MAP7: variants seen among roughly 807,000 people sequenced by gnomAD.
The protein encoded by MAP7 is ensconsin.
Under a neutral mutation model 94.8 loss-of-function variants are expected in MAP7, and 52 were observed. The observed-to-expected ratio is 0.55, with a 90% CI of 0.44 to 0.69. MAP7 has a LOEUF of 0.69. MAP7 is among the 30% of genes least tolerant of loss of function. The pLI is 0.00. For synonymous variants in MAP7, 350 were observed against 357.0 expected (o/e 0.98, Z 0.22); for missense variants, 940 against 964.6 (o/e 0.97, Z 0.34).
In MAP7 at chr6:136,550,195, C is replaced by A. The variant is rs1193959707; in HGVS notation, c.67+147G>T. On this transcript the variant is annotated intron_variant, in intron 1 of 17. Transcript: ENST00000354570. This position sits in a 1 kb window ranked among gnomAD's most constrained non-coding sequence, Gnocchi z 5.1. ...GGGAAGGCGCTCTCGGAGCAGGGTGCGCGGCGCGCAGGGCCGGTTGTTCCG... is the reference window on the plus strand; with the variant it reads ...GGGAAGGCGCTCTCGGAGCAGGGTGAGCGGCGCGCAGGGCCGGTTGTTCCG... 1 of 498,550 alleles carries A rather than the reference C, an allele frequency of 2.0e-6. No individual in the cohort carries two copies. Among genetic ancestry groups the A allele is most frequent in the Non-Finnish European group, 2.8e-6 (1 of 351,756 alleles). The allele number at this position is 498,550 out of a possible 1,614,324, so 30.9% of individuals were successfully genotyped here. A position where few individuals can be genotyped will look rare whatever the true frequency, so the allele number is the denominator to read the frequency against.
At position 136,405,885 on chromosome 6, in the gene MAP7, G is replaced by T. The variant is rs556752836; in HGVS notation, c.244+5735C>A. Among the ~76,000 whole-genome samples the T allele has an allele frequency of 3.3e-5, 5 of 152,310 alleles. No homozygotes were observed. In the East Asian group the frequency reaches 9.6e-4, roughly 29 times the overall value. On this transcript the variant is annotated intron_variant, in intron 3 of 17. Transcript: ENST00000354570. ...GGGATGTGTGGGAAATTTCAGCTAAGATGCTAGGTAATCTTGTTTGATTTT... is the reference window on the plus strand; with the variant it reads ...GGGATGTGTGGGAAATTTCAGCTAATATGCTAGGTAATCTTGTTTGATTTT...
In MAP7 at chr6:136,451,220, C is replaced by T. The variant is rs148339599; in HGVS notation, c.68-29421G>A. On this transcript the variant is annotated intron_variant, in intron 1 of 17. Transcript: ENST00000354570. Reference sequence around the variant, plus strand: ...ACCTCCCCATAACAGGTTTTCTCTACGCCTCCTCTGTTTCTGTAGACATGT... The same window carrying T: ...ACCTCCCCATAACAGGTTTTCTCTATGCCTCCTCTGTTTCTGTAGACATGT... Among the ~76,000 whole-genome samples, 137 of 152,286 alleles carry T rather than the reference C, an allele frequency of 9.0e-4. 1 individual carries two copies. Among genetic ancestry groups the T allele is most frequent in the Admixed American group, 2.4e-3 (37 of 15,296 alleles).
chr6:136,435,856 A>T (rs1446333597), intron 1 of MAP7, among the ~76,000 whole-genome samples: 4 of 152,208 alleles, frequency 2.6e-5, no homozygotes, highest in Non-Finnish European at 5.9e-5. Flanking sequence ...TTAAAGTAGA[A>T]TAGATGTTTA....
chr6:136,465,997 T>G (rs1417581186), intron 1 of MAP7, among the ~76,000 whole-genome samples: 1 of 152,146 alleles, frequency 6.6e-6, no homozygotes, highest in African/African-American at 2.4e-5. Flanking sequence ...AACATCCACA[T>G]AAACTTCTAG....
At chr6:136,449,316 C>T (rs1800382047) in intron 1 of MAP7, among the ~76,000 whole-genome samples, 2 of 151,700 alleles carry the variant, frequency 1.3e-5, no homozygotes, top group Admixed American at 1.3e-4. Flanking sequence ...AACAAACAAA[C>T]AAAAACGAAA....
At chr6:136,441,547 T>C (rs1273278387) in intron 1 of MAP7, among the ~76,000 whole-genome samples, 1 of 152,200 alleles carries the variant, frequency 6.6e-6, no homozygotes, top group Non-Finnish European at 1.5e-5. Flanking sequence ...TAGGTAGCTA[T>C]TCTTCCTTCC....
At chr6:136,475,102 C>T (rs1332054353) in intron 1 of MAP7, among the ~76,000 whole-genome samples, 1 of 152,146 alleles carries the variant, frequency 6.6e-6, no homozygotes, top group Non-Finnish European at 1.5e-5. Context: ...GCCTTCTGCA[C>T]ATTCAAGTTA....
intron 8 of MAP7, among the ~76,000 whole-genome samples, chr6:136,370,087 A>G (rs952793332): frequency 2.0e-5 from 3 of 152,206 alleles, no homozygotes; most frequent in African/African-American, 7.2e-5. Flanking sequence ...CAAAAACAAA[A>G]TAACCCCATT....
intron 17 of MAP7, 130 bp from the exon 18 acceptor site, chr6:136,344,368 G>C: frequency 2.7e-6 from 1 of 372,714 alleles, no homozygotes; most frequent in Non-Finnish European, 4.8e-6. Context: ...TATAAGAATA[G>C]GCAATTCTGT....
chr6:136,538,653 T>C (rs1458416004), intron 1 of MAP7, among the ~76,000 whole-genome samples: 1 of 151,820 alleles, frequency 6.6e-6, no homozygotes, highest in African/African-American at 2.4e-5. Flanking sequence ...GTGCTAGGAA[T>C]AGTGGCGTGT....
At chr6:136,402,030 T>C (rs1436817022) in intron 3 of MAP7, among the ~76,000 whole-genome samples, 2 of 152,202 alleles carry the variant, frequency 1.3e-5, no homozygotes, top group Non-Finnish European at 1.5e-5. Flanking sequence ...TCTCCTACTG[T>C]TCCCTGTCCA....
intron 1 of MAP7, among the ~76,000 whole-genome samples, chr6:136,491,576 C>T (rs915921064): frequency 2.6e-5 from 4 of 152,176 alleles, no homozygotes; most frequent in African/African-American, 9.6e-5. Context: ...ACCTGTATCC[C>T]TGTGCAAGGA....
intron 1 of MAP7, among the ~76,000 whole-genome samples, chr6:136,480,350 G>A (rs1390280138): frequency 6.6e-6 from 1 of 152,080 alleles, no homozygotes; most frequent in African/African-American, 2.4e-5. Context: ...AAATCAAAAT[G>A]TATTAAATTC....
intron 16 of MAP7, among the ~76,000 whole-genome samples, chr6:136,352,326 G>A (rs1464855184): frequency 2.6e-5 from 4 of 151,754 alleles, no homozygotes; most frequent in East Asian, 1.9e-4. Flanking sequence ...TAGATGGGAC[G>A]ATAGGTGTAC....
chr6:136,397,171 A>G (rs1330680018), intron 3 of MAP7, among the ~76,000 whole-genome samples: 15 of 152,232 alleles, frequency 9.9e-5, no homozygotes, highest in Non-Finnish European at 1.9e-4. Flanking sequence ...ACTTATTGCT[A>G]AATATAGGTC....
intron 16 of MAP7, among the ~76,000 whole-genome samples, chr6:136,347,981 A>C (rs9402802): frequency 6.6e-6 from 1 of 151,414 alleles, no homozygotes; most frequent in African/African-American, 2.4e-5. Flanking sequence ...ATAAGTCTCC[A>C]CAAGAGTACA....
intron 3 of MAP7, among the ~76,000 whole-genome samples, chr6:136,398,877 AC>A (rs1783273761): frequency 6.6e-6 from 1 of 152,038 alleles, no homozygotes; most frequent in African/African-American, 2.4e-5. Flanking sequence ...TGTGTGCAAC[AC>A]TCCACATGCC....
chr6:136,400,945 CA>C (rs1286283811), intron 3 of MAP7, among the ~76,000 whole-genome samples: 1 of 152,136 alleles, frequency 6.6e-6, no homozygotes, highest in Non-Finnish European at 1.5e-5. Context: ...TTCCTGAGAC[CA>C]AATGGTCTAT....
chr6:136,506,777 C>G (rs114571006), intron 1 of MAP7, among the ~76,000 whole-genome samples: 56 of 152,258 alleles, frequency 3.7e-4, no homozygotes, highest in African/African-American at 1.3e-3. Flanking sequence ...GTGGACAAAC[C>G]GTAACCTAGC....
Sources: allele counts gnomAD v4.1 joint callset (sites outside exome capture counted in the v4.1 genomes callset), GRCh38; gene constraint gnomAD v4.1.1; non-coding constraint Gnocchi (gnomAD v3.1); transcripts MANE v1.5; gene names NCBI Gene and HGNC (gene_info 2026-07-23, HGNC 2026-07-21).